ADCY2: variants seen among roughly 807,000 people sequenced by gnomAD.
The protein encoded by ADCY2 is adenylate cyclase type 2.
A neutral mutation model predicts 125.2 loss-of-function variants in ADCY2; 31 were observed. That is an observed-to-expected ratio of 0.25 (90% CI 0.19 to 0.33). The LOEUF is 0.33. Ranked by LOEUF, ADCY2 falls within the 10% of genes least tolerant of loss-of-function variation. The pLI is 1.00. For missense variants in ADCY2, 904 were observed against 1,418.2 expected (o/e 0.64, Z 5.82); for synonymous variants, 512 against 548.4 (o/e 0.93, Z 0.93).
intron 3 of ADCY2, among the ~76,000 whole-genome samples, chr5:7,537,486 C>T (rs1363065790): frequency 6.6e-6 from 1 of 152,184 alleles, no homozygotes; most frequent in Non-Finnish European, 1.5e-5. Flanking sequence ...GTCGCCTCCT[C>T]CATCACACTC....
At position 7,757,499 on chromosome 5, in the gene ADCY2, G is replaced by C; in HGVS notation, c.2007G>C (p.Ser669=). 1 of 1,613,904 alleles carries C rather than the reference G, an allele frequency of 6.2e-7. No individual in the cohort carries two copies. Among genetic ancestry groups the C allele is most frequent in the South Asian group, 1.1e-5 (1 of 91,044 alleles). ...TGCTCATGTGGCTTTTGAAGTCCTC[G>C]GGCATCATTGCCAACCGCCCCTGGC... ...SPLLMWLLKS[S]GIIANRPWPR... The change falls in exon 16 of 25, where the codon TCG becomes TCC. Residue 669 remains serine, a synonymous_variant. Coordinates refer to ENST00000338316, the MANE Select transcript of ADCY2 (RefSeq NM_020546.3).
intron 2 of ADCY2, among the ~76,000 whole-genome samples, chr5:7,502,113 C>G (rs1413947379): frequency 6.6e-6 from 1 of 152,178 alleles, no homozygotes; most frequent in Non-Finnish European, 1.5e-5. Flanking sequence ...CTTGTGATTA[C>G]AGAGCAGTGT....
In ADCY2 at chr5:7,596,714, C is replaced by T. The variant is rs546317024; in HGVS notation, c.571-29453C>T. ...AACAGTGCCTGGCACTCAGTAAAAG[C>T]TGCATCTACCCCACCTGTGTTGTTG... is the stretch of plus-strand genomic sequence containing the variant. On this transcript the variant is annotated intron_variant, in intron 3 of 24. Coordinates refer to ENST00000338316, the MANE Select transcript of ADCY2 (RefSeq NM_020546.3). Among the ~76,000 whole-genome samples, 35 of 152,278 alleles carry T rather than the reference C, an allele frequency of 2.3e-4. No homozygotes were observed. The East Asian group carries it at 5.6e-3, about 24-fold the overall frequency.
intron 7 of ADCY2, among the ~76,000 whole-genome samples, chr5:7,706,089 A>C (rs1021221404): frequency 5.9e-5 from 9 of 152,242 alleles, no homozygotes; most frequent in African/African-American, 2.2e-4. Context: ...GTATTCAGCC[A>C]GCAAGAACAA....
At chr5:7,654,703 C>T (rs1181008073) in intron 4 of ADCY2, among the ~76,000 whole-genome samples, 1 of 152,196 alleles carries the variant, frequency 6.6e-6, no homozygotes, top group African/African-American at 2.4e-5. Flanking sequence ...ACCTTCCTTG[C>T]CCTCCACCCA....
At chr5:7,441,298 T>C (rs1193489382) in intron 2 of ADCY2, among the ~76,000 whole-genome samples, 3 of 152,184 alleles carry the variant, frequency 2.0e-5, no homozygotes, top group South Asian at 4.1e-4. Flanking sequence ...CACAACCTAC[T>C]TCCTGATGGC....
intron 4 of ADCY2, among the ~76,000 whole-genome samples, chr5:7,628,382 T>C (rs1205835984): frequency 1.3e-5 from 2 of 152,230 alleles, no homozygotes; most frequent in Non-Finnish European, 2.9e-5. Flanking sequence ...TTCAGGTCAC[T>C]GACCTCACCT....
At chr5:7,761,999 CT>C (rs1245439200) in intron 16 of ADCY2, among the ~76,000 whole-genome samples, 1 of 152,186 alleles carries the variant, frequency 6.6e-6, no homozygotes, top group Non-Finnish European at 1.5e-5. Context: ...ATTCATCACA[CT>C]TTTTAATACT....
chr5:7,736,688 C>G (rs925018028), intron 14 of ADCY2, among the ~76,000 whole-genome samples: 1 of 151,882 alleles, frequency 6.6e-6, no homozygotes, highest in Non-Finnish European at 1.5e-5. Flanking sequence ...CAGAATGTCT[C>G]TGTCAACTCT....
chr5:7,522,389 A>G (rs1744475831), intron 3 of ADCY2: 1 of 152,086 alleles, frequency 6.6e-6, no homozygotes, highest in Admixed American at 6.5e-5. Context: ...CAAAAGAACA[A>G]TCTAGCCTTG....
chr5:7,406,947 A>G (rs1179299831), intron 1 of ADCY2, among the ~76,000 whole-genome samples: 2 of 152,288 alleles, frequency 1.3e-5, no homozygotes, highest in South Asian at 4.1e-4. Context: ...TGTATGGGAA[A>G]CACACTCTGA....
intron 4 of ADCY2, among the ~76,000 whole-genome samples, chr5:7,638,950 G>A (rs943461911): frequency 3.3e-5 from 5 of 152,086 alleles, no homozygotes; most frequent in African/African-American, 1.2e-4. Context: ...TAAGTCTTAT[G>A]AGATCTGATG....
intron 4 of ADCY2, among the ~76,000 whole-genome samples, chr5:7,680,389 A>G (rs1171769458): frequency 2.0e-5 from 3 of 152,238 alleles, no homozygotes; most frequent in Non-Finnish European, 2.9e-5. Flanking sequence ...GGTTTAGAGT[A>G]TAGGCAGATG....
At chr5:7,451,579 A>AGTT (rs1741471072) in intron 2 of ADCY2, among the ~76,000 whole-genome samples, 2 of 152,262 alleles carry the variant, frequency 1.3e-5, no homozygotes, top group African/African-American at 4.8e-5. Context: ...ATAATATTAC[A>AGTT]GAAATTTAGT....
rs59664339 is a variant in ADCY2, at chr5:7,658,431, G to GTGTGTGTGTGTGTA, written c.720+32116_720+32117insGTGTGTGTGTGTAT. ...TGTGTGTGTGTGTGTGTGTGTGTGT[G>GTGTGTGTGTGTGTA]TATATATATATATATTTGAGATGGA... On this transcript the variant is annotated intron_variant, in intron 4 of 24. Coordinates refer to ENST00000338316, the MANE Select transcript of ADCY2 (RefSeq NM_020546.3). Among the ~76,000 whole-genome samples, 482 of 143,008 alleles carry GTGTGTGTGTGTGTA rather than the reference G, an allele frequency of 3.4e-3. 3 individuals are homozygous for GTGTGTGTGTGTGTA. The highest frequency in any genetic ancestry group is 0.012 in the African/African-American group (460 of 39,024). The allele number at this position is 143,008 out of a possible 152,430, so 93.8% of individuals were successfully genotyped here. A position where few individuals can be genotyped will look rare whatever the true frequency, so the allele number is the denominator to read the frequency against.
chr5:7,755,863 G>A (rs1284881346), intron 15 of ADCY2, among the ~76,000 whole-genome samples: 1 of 152,230 alleles, frequency 6.6e-6, no homozygotes, highest in African/African-American at 2.4e-5. Context: ...TGTGAAAGAA[G>A]TAGAGAACTG....
At position 7,709,415 on chromosome 5, in the gene ADCY2, G is replaced by A. The variant is rs769510105; in HGVS notation, c.1578+28G>A. ...ATGCCCTCCCCTGCCTCCAATGCCTGAGCACTGGGGGAAAGCTAACTTCCC... is the reference window on the plus strand; with the variant it reads ...ATGCCCTCCCCTGCCTCCAATGCCTAAGCACTGGGGGAAAGCTAACTTCCC... On this transcript the variant is annotated intron_variant, in intron 10 of 24. Coordinates refer to ENST00000338316, the MANE Select transcript of ADCY2 (RefSeq NM_020546.3). The surrounding 1 kb of genome is among the most constrained non-coding windows in gnomAD (Gnocchi z 4.4). 1.3e-6 allele frequency: 2 copies of A among 1,531,408 alleles called. No homozygotes were observed. Among genetic ancestry groups the A allele is most frequent in the Non-Finnish European group, 1.8e-6 (2 of 1,140,156 alleles). 94.9% of individuals were successfully genotyped at this position (1,531,408 alleles called of 1,614,324 possible).
intron 4 of ADCY2, among the ~76,000 whole-genome samples, chr5:7,646,021 C>G (rs1004918447): frequency 6.6e-6 from 1 of 152,070 alleles, no homozygotes; most frequent in Admixed American, 6.6e-5. Flanking sequence ...AATGTGGATT[C>G]AGAAAATGCA....
intron 14 of ADCY2, among the ~76,000 whole-genome samples, chr5:7,742,492 C>T (rs748227538): frequency 1.3e-5 from 2 of 152,068 alleles, no homozygotes; most frequent in Non-Finnish European, 2.9e-5. Flanking sequence ...TGACTCAGTG[C>T]CCGAAAGTCA....
Sources: gnomAD v4.1 joint callset for allele counts (sites outside exome capture counted in the v4.1 genomes callset) on GRCh38, gnomAD v4.1.1 for gene constraint, Gnocchi (gnomAD v3.1) non-coding constraint, MANE v1.5 for transcripts, NCBI Gene and HGNC (gene_info 2026-07-23, HGNC 2026-07-21) for gene names.